The following STARD9 variants were observed in gnomAD, a reference collection of about 807,000 sequenced individuals.
STARD9 encodes StAR related lipid transfer domain containing 9.
In STARD9, 346 loss-of-function variants were observed where a neutral mutation model predicts 399.8. That is an observed-to-expected ratio of 0.87 (90% CI 0.79 to 0.95). STARD9 has a LOEUF of 0.95. Among genes scored for constraint, STARD9 ranks in the 40% least tolerant of loss-of-function variants. The pLI is 0.00. For missense variants in STARD9, 5,832 were observed against 5,667.5 expected, an observed-to-expected ratio of 1.03 and a Z score of -0.93; for synonymous variants, 2,203 against 2,143.5, an observed-to-expected ratio of 1.03 and a Z score of -0.77.
intron 26 of STARD9, among the ~76,000 whole-genome samples, chr15:42,707,128 A>G (rs1231194391): frequency 6.6e-6 from 1 of 151,426 alleles, no homozygotes; most frequent in Non-Finnish European, 1.5e-5. Context: ...TTCTTTTTCA[A>G]GGTTTATGAA....
At chr15:42,599,132 C>G (rs1402236004) in intron 3 of STARD9, among the ~76,000 whole-genome samples, 1 of 152,148 alleles carries the variant, frequency 6.6e-6, no homozygotes, top group African/African-American at 2.4e-5. Flanking sequence ...CCATGTTGGC[C>G]AGGCTGGCCT....
intron 3 of STARD9, among the ~76,000 whole-genome samples, chr15:42,616,362 G>A (rs1467785415): frequency 6.6e-6 from 1 of 151,530 alleles, no homozygotes; most frequent in African/African-American, 2.5e-5. Context: ...TACTGAAGGG[G>A]AGACATGGTA....
intron 31 of STARD9, 112 bp from the exon 32 acceptor site, chr15:42,718,640 G>A: frequency 7.0e-7 from 1 of 1,433,440 alleles, no homozygotes; most frequent in African/African-American, 1.4e-5. Flanking sequence ...CCAGGGTAGG[G>A]GTGGCTTGAA....
rs1191426683 is a variant in STARD9 at position 42,622,772 on chromosome 15, C to G, written c.235-12084C>G. 2.0e-5 allele frequency among the ~76,000 whole-genome samples: 3 copies of G among 152,094 alleles called. No individual in the cohort carries two copies. In the East Asian group the frequency reaches 5.8e-4, roughly 29 times the overall value. On this transcript the variant is annotated intron_variant, in intron 3 of 32. Coordinates refer to ENST00000290607, the MANE Select transcript of STARD9 (RefSeq NM_020759.3). ...GGGAGTCATGTGACATGGTTGTTCT[C>G]CTGTTTTGTCCAGAGCTCTGATGTT... is the stretch of plus-strand genomic sequence containing the variant.
At chr15:42,701,274 T>C (rs1456116971) in intron 26 of STARD9, among the ~76,000 whole-genome samples, 2 of 152,244 alleles carry the variant, frequency 1.3e-5, no homozygotes, top group Admixed American at 1.3e-4. Context: ...TTATTTTTTC[T>C]ATGAAGAATG....
rs948453873 is a variant in STARD9 at position 42,644,308 on chromosome 15, A to G, written c.559+5496A>G. Among the ~76,000 whole-genome samples, 4 of 152,182 alleles carry G rather than the reference A, an allele frequency of 2.6e-5. 1 individual carries two copies. The South Asian group carries it at 6.2e-4, about 24-fold the overall frequency. On this transcript the variant is annotated intron_variant, in intron 7 of 32. Transcript: ENST00000290607. ...GGAGATAGAGACCATCCTGGCTAACATGGTGAAACCCCGTCTCTACTGAAA... is the reference window on the plus strand; with the variant it reads ...GGAGATAGAGACCATCCTGGCTAACGTGGTGAAACCCCGTCTCTACTGAAA...
At chr15:42,651,218 C>T (rs1168173423) in intron 8 of STARD9, 133 bp downstream of exon 8, 1 of 547,534 alleles carries the variant, frequency 1.8e-6, no homozygotes, top group Non-Finnish European at 3.1e-6. Context: ...CCAGGAGGCT[C>T]TTCCCAGAAC....
intron 3 of STARD9, among the ~76,000 whole-genome samples, chr15:42,609,982 A>G (rs1456966626): frequency 6.6e-6 from 1 of 151,804 alleles, no homozygotes; most frequent in Non-Finnish European, 1.5e-5. Context: ...AATCCCAGCT[A>G]CTCGCGAGGC....
chr15:42,691,919 A>G lies in STARD9; in HGVS notation c.10341A>G (p.Pro3447=), dbSNP rs1224921863. Residue 3447 remains proline (P), a synonymous_variant, in exon 23 of 33, where the codon CCA becomes CCG. Coordinates refer to ENST00000290607, the MANE Select transcript of STARD9 (RefSeq NM_020759.3). ...AGAAACTGGGTGTCCAGGTTAGGCC[A>G]GAAAATTGGTGCTCTCAGATGGACA... The part of the protein sequence containing the change: ...KREKLGVQVR[P]ENWCSQMDKG... 6.5e-6 allele frequency: 10 copies of G among 1,537,280 alleles called. No homozygotes were observed. The South Asian group carries it at 7.1e-5, about 11-fold the overall frequency.
chr15:42,654,559 A>G (rs1028257280), intron 9 of STARD9, among the ~76,000 whole-genome samples: 7 of 152,200 alleles, frequency 4.6e-5, no homozygotes, highest in Non-Finnish European at 1.0e-4. Flanking sequence ...GAGCTCCTGG[A>G]ACTGGTAAAT....
At position 42,585,611 on chromosome 15, in the gene STARD9, G is replaced by A; in HGVS notation, c.208G>A (p.Asp70Asn). Reference sequence around the variant, plus strand: ...CTGCTACTGGTCAGTCAACCCAGAGGATCCCCAGTATGCATCTCAAGATGT... The same window carrying A: ...CTGCTACTGGTCAGTCAACCCAGAGAATCCCCAGTATGCATCTCAAGATGT... ...DYCYWSVNPE[D>N]PQYASQDVVF... The change falls in exon 3 of 33, where the codon GAT becomes AAT. Residue 70 changes from aspartate (D) to asparagine (N), a missense_variant. Around this residue, in one of 2 missense-constraint regions of STARD9, gnomAD observed 5,828 missense variants for 5,651.1 expected, o/e 1.03. Transcript: ENST00000290607. 5 of 1,536,480 alleles carry A rather than the reference G, an allele frequency of 3.3e-6. No individual in the cohort carries two copies. The highest frequency in any genetic ancestry group is 1.4e-5 in the African/African-American group (1 of 73,140).
intron 3 of STARD9, among the ~76,000 whole-genome samples, chr15:42,616,444 A>G (rs1357925064): frequency 2.0e-5 from 3 of 152,262 alleles, no homozygotes; most frequent in Non-Finnish European, 2.9e-5. Flanking sequence ...ATTGTAGAGT[A>G]ATAGCTTAGT....
intron 26 of STARD9, among the ~76,000 whole-genome samples, chr15:42,712,112 A>ATATATATTATATATATATT (rs2061250134): frequency 2.0e-5 from 1 of 49,684 alleles, no homozygotes; most frequent in Non-Finnish European, 3.0e-5. Context: ...ATAATATATA[A>ATATATATTATATATATATT]TATATAATAT....
Position 42,685,198 on chromosome 15 carries a change from T to C in STARD9, c.3620T>C (p.Leu1207Pro). ...QTHRSFSLDSLIDAEEELGED... is the reference protein window; with the variant it reads ...QTHRSFSLDSPIDAEEELGED... ...CATAGGAGCTTCTCCTTGGATAGCC[T>C]GATTGATGCAGAGGAAGAACTGGGG... The change falls in exon 23 of 33, where the codon CTG becomes CCG. Residue 1207 changes from leucine (L) to proline (P), a missense_variant. By Grantham distance (98) the Leu-to-Pro change is moderately conservative. Transcript: ENST00000290607. 1 of 1,537,152 alleles carries C rather than the reference T, an allele frequency of 6.5e-7. No homozygotes were observed.
At position 42,690,553 on chromosome 15, in the gene STARD9, A is replaced by T. The variant is rs746274731; in HGVS notation, c.8975A>T (p.His2992Leu). The change falls in exon 23 of 33, where the codon CAT (histidine) becomes CTT (leucine). Residue 2992 changes from histidine to leucine, a missense_variant. Transcript: ENST00000290607. The part of the protein sequence containing the change: ...LGKEPFKAAP[H>L]TIHPPCVVPS... ...AAGGAGCCTTTCAAGGCTGCCCCAC[A>T]TACTATCCACCCACCCTGTGTAGTA... The T allele has an allele frequency of 6.5e-7, 1 of 1,537,176 alleles. No homozygotes were observed. The highest frequency in any genetic ancestry group is 2.0e-5 in the Admixed American group (1 of 50,990).
chr15:42,713,956 A>G (rs2061301850), intron 26 of STARD9, among the ~76,000 whole-genome samples: 1 of 152,004 alleles, frequency 6.6e-6, no homozygotes, highest in Non-Finnish European at 1.5e-5. Flanking sequence ...GATTGGTATT[A>G]ATTCCTTAAA....
chr15:42,582,695 G>C (rs1036638121), intron 1 of STARD9, among the ~76,000 whole-genome samples: 1 of 152,166 alleles, frequency 6.6e-6, no homozygotes, highest in Non-Finnish European at 1.5e-5. Context: ...GCTCTCTAGA[G>C]TTTCTTTTCT....
At position 42,685,484 on chromosome 15, in the gene STARD9, T is replaced by C; in HGVS notation, c.3906T>C (p.His1302=). 6.5e-7 allele frequency: 1 copy of C among 1,537,176 alleles called. No homozygotes were observed. Among genetic ancestry groups the C allele is most frequent in the Non-Finnish European group, 8.7e-7 (1 of 1,146,906 alleles). ...AACCCCATTGTGAGCTCCAGCCCCA[T>C]TGTGAGCAGGCTGAATCACAGGTAG... ...ELQPHCELQP[H]CEQAESQVEP... The change falls in exon 23 of 33, where the codon CAT becomes CAC. Residue 1302 remains histidine, a synonymous_variant. Transcript: ENST00000290607.
At chr15:42,588,835 T>A (rs962699526) in intron 3 of STARD9, among the ~76,000 whole-genome samples, 4 of 107,818 alleles carry the variant, frequency 3.7e-5, no homozygotes, top group Non-Finnish European at 7.0e-5. Flanking sequence ...GGTGGGGGTG[T>A]GTGGACAGAG....
Sources: allele counts gnomAD v4.1 joint callset (sites outside exome capture counted in the v4.1 genomes callset), GRCh38; gene constraint gnomAD v4.1.1; regional missense constraint gnomAD v4.1.1; transcripts MANE v1.5; gene names NCBI Gene and HGNC (gene_info 2026-07-23, HGNC 2026-07-21).